The following L3MBTL4 variants were observed in gnomAD, a reference collection of about 807,000 sequenced individuals.
L3MBTL4 encodes L3MBTL histone methyl-lysine binding protein 4.
Under a neutral mutation model 84.5 loss-of-function variants are expected in L3MBTL4, and 70 were observed. The ratio of observed to expected loss-of-function variants is 0.83; its 90% CI spans 0.68 to 1.01. The LOEUF (loss-of-function observed/expected upper bound fraction) is 1.01, where lower values mean the gene tolerates loss of function less well. L3MBTL4 is among the 50% of genes least tolerant of loss of function. The pLI is 0.00. For missense variants in L3MBTL4, 715 were observed against 754.8 expected (o/e 0.95, Z 0.62); for synonymous variants, 274 against 259.8 (o/e 1.05, Z -0.52).
At chr18:6,321,391 C>G (rs1226975579) in intron 1 of L3MBTL4, among the ~76,000 whole-genome samples, 1 of 151,978 alleles carries the variant, frequency 6.6e-6, no homozygotes, top group Non-Finnish European at 1.5e-5. Flanking sequence ...AAGAAAAAAA[C>G]AAATAATCCC....
rs190111262 is a variant in L3MBTL4, at chr18:6,045,833, C to G, written c.1444+35048G>C. Among the ~76,000 whole-genome samples, 38 of 152,326 alleles carry G rather than the reference C, an allele frequency of 2.5e-4. No homozygotes were observed. The East Asian group carries it at 6.4e-3, about 26-fold the overall frequency. On this transcript the variant is annotated intron_variant, in intron 16 of 18. Coordinates refer to ENST00000317931, the MANE Select transcript of L3MBTL4 (RefSeq NM_001330559.2). ...CTAAAAAGCAACCACACAATAGGAA[C>G]TACAAAGCAACCAGCTAACAACTTC...
At chr18:6,285,975 G>T (rs1281326226) in intron 4 of L3MBTL4, among the ~76,000 whole-genome samples, 1 of 151,534 alleles carries the variant, frequency 6.6e-6, no homozygotes, top group African/African-American at 2.4e-5. Context: ...GGGATCACAG[G>T]TGCGTGCCAC....
chr18:6,164,028 A>T lies in L3MBTL4; in HGVS notation c.1096+7800T>A, dbSNP rs543638042. On this transcript the variant is annotated intron_variant, in intron 13 of 18. Coordinates refer to ENST00000317931, the MANE Select transcript of L3MBTL4 (RefSeq NM_001330559.2). ...GGCTTAACAAACGGCACACCAGGAG[A>T]TTATATCCTGCACCTGGCTTGGAAG... Among the ~76,000 whole-genome samples the T allele has an allele frequency of 8.5e-5, 13 of 152,302 alleles. No homozygotes were observed. The East Asian group carries it at 2.5e-3, about 29-fold the overall frequency.
intron 11 of L3MBTL4, among the ~76,000 whole-genome samples, chr18:6,214,129 T>G (rs1439981601): frequency 6.6e-6 from 1 of 152,250 alleles, no homozygotes; most frequent in African/African-American, 2.4e-5. Context: ...TTTAAAGCCA[T>G]AGCCTATGCT....
chr18:6,244,641 T>C (rs1405830305), intron 5 of L3MBTL4, 53 bp from the exon 6 acceptor site: 3 of 1,233,444 alleles, frequency 2.4e-6, no homozygotes, highest in African/African-American at 3.0e-5. Context: ...CACAGTTTTA[T>C]ATTAAGATAT....
chr18:6,244,283 A>T (rs2099543372), intron 6 of L3MBTL4, among the ~76,000 whole-genome samples: 1 of 152,230 alleles, frequency 6.6e-6, no homozygotes, highest in African/African-American at 2.4e-5. Flanking sequence ...ATGCTAGTTG[A>T]TGAAGGACTT....
intron 7 of L3MBTL4, among the ~76,000 whole-genome samples, chr18:6,242,606 C>T (rs529686233): frequency 1.3e-5 from 2 of 152,156 alleles, no homozygotes; most frequent in Non-Finnish European, 2.9e-5. Context: ...GAGTGGATAA[C>T]TAGGAATAAA....
chr18:5,989,256 T>C (rs2053585426), intron 16 of L3MBTL4, among the ~76,000 whole-genome samples: 1 of 152,182 alleles, frequency 6.6e-6, no homozygotes, highest in South Asian at 2.1e-4. Flanking sequence ...ATCAAAACTG[T>C]GTTGTCCAAA....
chr18:6,154,661 C>T (rs7242844), intron 13 of L3MBTL4, among the ~76,000 whole-genome samples: 7,710 of 152,228 alleles, frequency 0.051, 676 homozygotes, highest in African/African-American at 0.18. Flanking sequence ...TGCTCAACAA[C>T]GCCAACTGTA....
intron 1 of L3MBTL4, among the ~76,000 whole-genome samples, chr18:6,341,677 C>A (rs1000550342): frequency 2.0e-5 from 3 of 151,552 alleles, no homozygotes; most frequent in African/African-American, 4.8e-5. Context: ...TATAGGAGTC[C>A]TAGAAGCAGC....
intron 10 of L3MBTL4, among the ~76,000 whole-genome samples, chr18:6,221,264 A>G (rs1042318441): frequency 6.6e-5 from 10 of 152,260 alleles, no homozygotes; most frequent in African/African-American, 2.2e-4. Flanking sequence ...AACAACCACA[A>G]TTATACTGGT....
intron 10 of L3MBTL4, among the ~76,000 whole-genome samples, chr18:6,234,594 A>G (rs891609588): frequency 5.9e-5 from 9 of 152,240 alleles, no homozygotes; most frequent in African/African-American, 2.2e-4. Context: ...CATCAGAGAA[A>G]TGCAAATCAA....
Position 6,268,128 on chromosome 18 carries a change from G to A in L3MBTL4, c.128-4090C>T, listed in dbSNP as rs112619213. 1.4e-3 allele frequency among the ~76,000 whole-genome samples: 219 copies of A among 152,228 alleles called. 2 individuals are homozygous for A. Among genetic ancestry groups the A allele is most frequent in the African/African-American group, 4.8e-3 (199 of 41,538 alleles). ...GCCATAAATATTTGTTTAATGGCCC[G>A]GGAGTGGTGGCTCACACCTGTAATC... is the stretch of plus-strand genomic sequence containing the variant. On this transcript the variant is annotated intron_variant, in intron 4 of 18. Coordinates refer to ENST00000317931, the MANE Select transcript of L3MBTL4 (RefSeq NM_001330559.2).
intron 1 of L3MBTL4, among the ~76,000 whole-genome samples, chr18:6,353,198 G>C (rs1807900949): frequency 2.0e-5 from 3 of 150,842 alleles, no homozygotes; most frequent in African/African-American, 7.3e-5. Flanking sequence ...CTCACAGTAT[G>C]ATACAAATCA....
intron 1 of L3MBTL4, among the ~76,000 whole-genome samples, chr18:6,394,167 C>G (rs2055175821): frequency 6.6e-6 from 1 of 152,118 alleles, no homozygotes; most frequent in African/African-American, 2.4e-5. Context: ...CATTTAGCAC[C>G]TTTTAAAATG....
chr18:6,033,437 G>A (rs888217126), intron 16 of L3MBTL4, among the ~76,000 whole-genome samples: 14 of 152,110 alleles, frequency 9.2e-5, no homozygotes, highest in African/African-American at 3.4e-4. Context: ...GCCAACCTCT[G>A]TCTTTTGATT....
chr18:6,089,189 C>A (rs188760869), intron 15 of L3MBTL4, among the ~76,000 whole-genome samples: 58 of 152,212 alleles, frequency 3.8e-4, no homozygotes, highest in African/African-American at 1.4e-3. Context: ...AGGGGAGCTG[C>A]ATTCCAAAGT....
intron 4 of L3MBTL4, among the ~76,000 whole-genome samples, chr18:6,298,873 CA>C (rs544364202): frequency 2.0e-5 from 3 of 148,568 alleles, no homozygotes; most frequent in Non-Finnish European, 3.0e-5. Context: ...AAATTCTGTC[CA>C]AAAAAAAACA....
At chr18:6,168,833 T>C (rs1305005089) in intron 13 of L3MBTL4, among the ~76,000 whole-genome samples, 3 of 152,156 alleles carry the variant, frequency 2.0e-5, no homozygotes, top group Non-Finnish European at 2.9e-5. Context: ...AAATGGGATC[T>C]AACTAAACTA....
Sources: allele counts gnomAD v4.1 joint callset (sites outside exome capture counted in the v4.1 genomes callset), GRCh38; gene constraint gnomAD v4.1.1; transcripts MANE v1.5; gene names NCBI Gene and HGNC (gene_info 2026-07-23, HGNC 2026-07-21).